NTNG1: variants seen among roughly 807,000 people sequenced by gnomAD.
NTNG1 encodes netrin-G1.
In NTNG1, 16 loss-of-function variants were observed where a neutral mutation model predicts 54.0. That is an observed-to-expected ratio of 0.30 (90% CI 0.20 to 0.45). The LOEUF (loss-of-function observed/expected upper bound fraction) is 0.45. Ranked by LOEUF, NTNG1 falls within the 20% of genes least tolerant of loss-of-function variation. The pLI is 1.00. For missense variants in NTNG1, 530 were observed against 678.7 expected, an observed-to-expected ratio of 0.78 and a Z score of 2.43; for synonymous variants, 255 against 263.1, an observed-to-expected ratio of 0.97 and a Z score of 0.30.
At chr1:107,191,509 A>G (rs1196299706) in intron 2 of NTNG1, among the ~76,000 whole-genome samples, 1 of 152,132 alleles carries the variant, frequency 6.6e-6, no homozygotes, top group South Asian at 2.1e-4. Flanking sequence ...GCCCATGCCT[A>G]TGTCCTCAAT....
At chr1:107,144,693 A>G (rs1269780474) in intron 1 of NTNG1, among the ~76,000 whole-genome samples, 2 of 152,070 alleles carry the variant, frequency 1.3e-5, no homozygotes, top group African/African-American at 4.8e-5. Flanking sequence ...TGTGTGTGCA[A>G]AGGCATTTTA....
At chr1:107,273,643 A>G (rs932024026) in intron 2 of NTNG1, among the ~76,000 whole-genome samples, 1 of 152,166 alleles carries the variant, frequency 6.6e-6, no homozygotes, top group Non-Finnish European at 1.5e-5. Context: ...TAAGGAATGA[A>G]TGAAGCTTTT....
intron 2 of NTNG1, among the ~76,000 whole-genome samples, chr1:107,154,049 C>T (rs372767409): frequency 2.0e-5 from 3 of 152,122 alleles, no homozygotes; most frequent in Non-Finnish European, 4.4e-5. Flanking sequence ...TCAGCACATG[C>T]AAAACCTAGT....
Position 107,215,581 on chromosome 1 carries a change from G to GT in NTNG1, c.246+66750dup, listed in dbSNP as rs112071033. 8.2e-4 allele frequency among the ~76,000 whole-genome samples: 124 copies of GT among 151,688 alleles called. 1 individual carries two copies. The highest frequency in any genetic ancestry group is 5.0e-3 in the Admixed American group (76 of 15,232). ...CAGGTAATGTAATGCCTCCAGATTT[G>GT]TTTTTTTTGCTTAGTCTCGCTTTGG... On this transcript the variant is annotated intron_variant, in intron 2 of 7. Coordinates refer to ENST00000370068, the MANE Select transcript of NTNG1 (RefSeq NM_001113226.3).
chr1:107,211,421 C>A (rs12130181), intron 2 of NTNG1, among the ~76,000 whole-genome samples: 6,455 of 152,148 alleles, frequency 0.042, 144 homozygotes, highest in Non-Finnish European at 0.052. Context: ...TAATATAGAG[C>A]AGCATTTCCA....
intron 2 of NTNG1, among the ~76,000 whole-genome samples, chr1:107,274,344 T>C (rs1288233078): frequency 6.6e-6 from 1 of 152,210 alleles, no homozygotes; most frequent in Non-Finnish European, 1.5e-5. Context: ...TGAAAAGATT[T>C]GGTGGAGTCA....
intron 2 of NTNG1, among the ~76,000 whole-genome samples, chr1:107,261,714 G>T (rs1029287612): frequency 1.1e-4 from 17 of 152,194 alleles, no homozygotes; most frequent in African/African-American, 2.9e-4. Flanking sequence ...GTGGTGGCGG[G>T]TGCCTGTAGT....
chr1:107,377,200 T>A (rs1459400519), intron 3 of NTNG1, among the ~76,000 whole-genome samples: 4 of 152,178 alleles, frequency 2.6e-5, no homozygotes, highest in Non-Finnish European at 4.4e-5. Context: ...GAGCACTGAA[T>A]ACTAAACTGA....
At chr1:107,204,999 C>G (rs1659068912) in intron 2 of NTNG1, among the ~76,000 whole-genome samples, 1 of 152,118 alleles carries the variant, frequency 6.6e-6, no homozygotes, top group African/African-American at 2.4e-5. Flanking sequence ...ACTATCATCC[C>G]TTCCCTCTGC....
intron 7 of NTNG1, among the ~76,000 whole-genome samples, chr1:107,446,662 G>A (rs1676324513): frequency 6.6e-6 from 1 of 151,992 alleles, no homozygotes; most frequent in South Asian, 2.1e-4. Flanking sequence ...GTGTGATTGA[G>A]CCCATTGAAC....
At chr1:107,224,104 A>G (rs1287677282) in intron 2 of NTNG1, among the ~76,000 whole-genome samples, 1 of 152,212 alleles carries the variant, frequency 6.6e-6, no homozygotes, top group African/African-American at 2.4e-5. Context: ...TTAAGCTAAC[A>G]TCAGACACCT....
chr1:107,258,065 C>T (rs1324170374), intron 2 of NTNG1, among the ~76,000 whole-genome samples: 1 of 152,122 alleles, frequency 6.6e-6, no homozygotes, highest in Non-Finnish European at 1.5e-5. Flanking sequence ...ATATGAAAGA[C>T]ACTCTAGGGT....
chr1:107,305,935 T>C (rs1240017168), intron 2 of NTNG1, among the ~76,000 whole-genome samples: 2 of 152,194 alleles, frequency 1.3e-5, no homozygotes, highest in Non-Finnish European at 2.9e-5. Context: ...TTAATTAATT[T>C]ACTTAACTAT....
At chr1:107,346,312 G>A (rs1557918862) in intron 3 of NTNG1, among the ~76,000 whole-genome samples, 1 of 152,174 alleles carries the variant, frequency 6.6e-6, no homozygotes, top group Non-Finnish European at 1.5e-5. Context: ...CAGAGGCAAA[G>A]TGGTGTTTGA....
chr1:107,375,583 G>T (rs1671181807), intron 3 of NTNG1, among the ~76,000 whole-genome samples: 1 of 152,176 alleles, frequency 6.6e-6, no homozygotes, highest in Admixed American at 6.5e-5. Flanking sequence ...ATTGGCTAAA[G>T]TGCCCTTATT....
chr1:107,210,465 C>A (rs557692294), intron 2 of NTNG1, among the ~76,000 whole-genome samples: 25 of 152,260 alleles, frequency 1.6e-4, no homozygotes, highest in African/African-American at 6.0e-4. Flanking sequence ...ATGAAGGAGC[C>A]GTTCCACTGA....
intron 2 of NTNG1, among the ~76,000 whole-genome samples, chr1:107,186,058 A>G (rs574080406): frequency 6.6e-6 from 1 of 152,190 alleles, no homozygotes; most frequent in South Asian, 2.1e-4. Context: ...TCCAATATCT[A>G]TTATTCCACT....
At chr1:107,211,995 C>T (rs1282824711) in intron 2 of NTNG1, among the ~76,000 whole-genome samples, 1 of 152,128 alleles carries the variant, frequency 6.6e-6, no homozygotes, top group Non-Finnish European at 1.5e-5. Context: ...ATGGCTTCTT[C>T]AGCTTTATTT....
intron 5 of NTNG1, among the ~76,000 whole-genome samples, chr1:107,412,258 AG>A (rs917687068): frequency 7.2e-5 from 11 of 152,320 alleles, no homozygotes; most frequent in Admixed American, 7.2e-4. Context: ...GTACTGTGCC[AG>A]TTACTTCAAG....
Sources: gnomAD v4.1 joint callset for allele counts (sites outside exome capture counted in the v4.1 genomes callset) on GRCh38, gnomAD v4.1.1 for gene constraint, MANE v1.5 for transcripts, NCBI Gene and HGNC (gene_info 2026-07-23, HGNC 2026-07-21) for gene names.